SH3BP5: variants seen among roughly 807,000 people sequenced by gnomAD.
The protein encoded by SH3BP5 is SH3 domain-binding protein 5.
In SH3BP5, 22 loss-of-function variants were observed where a neutral mutation model predicts 43.3. The observed-to-expected ratio is 0.51, with a 90% CI of 0.36 to 0.73. The LOEUF (loss-of-function observed/expected upper bound fraction) is 0.73. Among genes scored for constraint, SH3BP5 ranks in the 30% least tolerant of loss-of-function variants. The probability of loss-of-function intolerance (pLI) is 0.00; values close to 1 mark genes in which losing one functional copy is unlikely to be tolerated. For synonymous variants in SH3BP5, 255 were observed against 225.8 expected (o/e 1.13, Z -1.16); for missense variants, 529 against 586.9 (o/e 0.90, Z 1.02).
intron 3 of SH3BP5, among the ~76,000 whole-genome samples, chr3:15,281,735 G>T (rs998860275): frequency 6.6e-6 from 1 of 152,212 alleles, no homozygotes; most frequent in African/African-American, 2.4e-5. Flanking sequence ...AGGTGCAGTG[G>T]CTCACGCCTG....
chr3:15,332,805 C>A (rs573171934), upstream of SH3BP5, among the ~76,000 whole-genome samples: 3 of 152,316 alleles, frequency 2.0e-5, no homozygotes, highest in South Asian at 6.2e-4. Context: ...GTAACGCAAG[C>A]CTCCCGCTTT....
chr3:15,263,358 G>A (rs529659609), intron 4 of SH3BP5, among the ~76,000 whole-genome samples: 6 of 152,282 alleles, frequency 3.9e-5, no homozygotes, highest in South Asian at 2.1e-4. Context: ...ACTAGGCATC[G>A]TGCCAGGCAC....
rs553461720 is a variant in SH3BP5, at chr3:15,317,481, T to C, written c.201+13023A>G. The stretch of plus-strand genomic sequence containing the variant: ...TGTAACTTTAGAGACACAGGAGATA[T>C]GACCAGAAGGAACAACTAAAAACAT... On this transcript the variant is annotated intron_variant, in intron 2 of 8. Coordinates refer to ENST00000383791, the MANE Select transcript of SH3BP5 (RefSeq NM_004844.5). Among the ~76,000 whole-genome samples the C allele has an allele frequency of 8.1e-4, 124 of 152,290 alleles. 2 individuals carry two copies. The highest frequency in any genetic ancestry group is 1.2e-3 in the Non-Finnish European group (84 of 68,036).
At chr3:15,260,485 ATCACTGCTTTATTCTTGAGCTGT>A (rs1696394974) in intron 5 of SH3BP5, 1 of 153,918 alleles carries the variant, frequency 6.5e-6, no homozygotes. Context: ...TTAAGAGTAG[ATCACTGCTTTATTCTTGAGCTGT>A]TCACCCTCCA....
chr3:15,295,744 C>T (rs377218935), intron 3 of SH3BP5, among the ~76,000 whole-genome samples: 93 of 152,194 alleles, frequency 6.1e-4, no homozygotes, highest in African/African-American at 1.7e-3. Context: ...CTGTGCATGA[C>T]GAAGCTATGG....
intron 3 of SH3BP5, among the ~76,000 whole-genome samples, chr3:15,273,905 G>T (rs908816216): frequency 2.6e-5 from 4 of 152,068 alleles, no homozygotes; most frequent in African/African-American, 9.7e-5. Flanking sequence ...TTAGGAAGTG[G>T]GGCCTTTGGG....
intron 2 of SH3BP5, among the ~76,000 whole-genome samples, chr3:15,319,621 A>T (rs1293682100): frequency 6.6e-6 from 1 of 152,206 alleles, no homozygotes; most frequent in Non-Finnish European, 1.5e-5. Flanking sequence ...AAAGCCAGGA[A>T]GCTTCCACCT....
Position 15,297,149 on chromosome 3 carries a change from C to T in SH3BP5, c.330+6954G>A, listed in dbSNP as rs6442509. On this transcript the variant is annotated intron_variant, in intron 3 of 8. Transcript: ENST00000383791. ...TTCATTCAAAACACGATTCTCCATCCATTCAAGGCCCATGCCACACTATCC... is the reference window on the plus strand; with the variant it reads ...TTCATTCAAAACACGATTCTCCATCTATTCAAGGCCCATGCCACACTATCC... 6.9e-3 allele frequency among the ~76,000 whole-genome samples: 1,054 copies of T among 152,298 alleles called. 19 individuals carry two copies. Among genetic ancestry groups the T allele is most frequent in the African/African-American group, 0.024 (1,008 of 41,538 alleles).
At chr3:15,340,190 A>G (rs973911627) in intron 1 of SH3BP5, among the ~76,000 whole-genome samples, 3 of 151,964 alleles carry the variant, frequency 2.0e-5, no homozygotes, top group Admixed American at 6.5e-5. Context: ...GGCCACTTAA[A>G]TAAATCCACT....
At chr3:15,293,686 T>C (rs192355041) in intron 3 of SH3BP5, among the ~76,000 whole-genome samples, 3 of 152,296 alleles carry the variant, frequency 2.0e-5, no homozygotes, top group South Asian at 2.1e-4. Flanking sequence ...CAGAACCAGG[T>C]AGACTTGGTT....
In SH3BP5 at chr3:15,285,433, C is replaced by A. The variant is rs1367420778; in HGVS notation, c.331-15556G>T. ...CCCTTCCAAGCTGGGCGATACATAA[C>A]CCAGATCCCAATGGGGCTTCAGGAA... On this transcript the variant is annotated intron_variant, in intron 3 of 8. Transcript: ENST00000383791. Among the ~76,000 whole-genome samples the A allele has an allele frequency of 3.3e-5, 5 of 152,352 alleles. No homozygotes were observed. The East Asian group carries it at 7.7e-4, about 23-fold the overall frequency.
At chr3:15,291,973 T>C (rs1296688330) in intron 3 of SH3BP5, among the ~76,000 whole-genome samples, 1 of 152,038 alleles carries the variant, frequency 6.6e-6, no homozygotes, top group African/African-American at 2.4e-5. Flanking sequence ...GAACAGAAGG[T>C]GCACCAAGAG....
chr3:15,303,773 G>A (rs575322331), intron 3 of SH3BP5, among the ~76,000 whole-genome samples: 4 of 152,198 alleles, frequency 2.6e-5, no homozygotes, highest in South Asian at 2.1e-4. Flanking sequence ...TGAGGCGAAC[G>A]CGAGGCAGTA....
chr3:15,273,030 C>G (rs757982957), intron 3 of SH3BP5: 56 of 655,454 alleles, frequency 8.5e-5, no homozygotes, highest in Non-Finnish European at 1.0e-4. Context: ...CCTCCGCAGG[C>G]CAAGCTGCTG....
At chr3:15,270,911 G>C (rs1696777776) in intron 3 of SH3BP5, among the ~76,000 whole-genome samples, 1 of 129,662 alleles carries the variant, frequency 7.7e-6, no homozygotes, top group South Asian at 2.6e-4. Flanking sequence ...GGGTGACAGA[G>C]TGAGACTCCA....
chr3:15,335,232 G>C (rs1434857751), upstream of SH3BP5, among the ~76,000 whole-genome samples: 1 of 152,056 alleles, frequency 6.6e-6, no homozygotes, highest in African/African-American at 2.4e-5. Context: ...ACAAAAATTA[G>C]CTGGGCATGG....
chr3:15,304,552 C>T (rs753965229), intron 2 of SH3BP5, among the ~76,000 whole-genome samples: 2 of 152,192 alleles, frequency 1.3e-5, no homozygotes, highest in Non-Finnish European at 2.9e-5. Flanking sequence ...TGGTAGCTCA[C>T]GCCTGTAATC....
rs1266731585 is a variant in SH3BP5, at chr3:15,256,135, T to C, written c.1319A>G (p.Lys440Arg). The C allele has an allele frequency of 3.7e-6, 6 of 1,614,234 alleles. No individual in the cohort carries two copies. Among genetic ancestry groups the C allele is most frequent in the Non-Finnish European group, 5.1e-6 (6 of 1,180,028 alleles). ...GTCAGCAATAATTCCATCTCTTCCC[T>C]TTGAGCACTGTAGGGAGAGCTGCTT... ...RMKQLSLQCS[K>R]GRDGIIADIK... Residue 440 changes from lysine to arginine, a missense_variant, in exon 9 of 9, where the codon AAG (lysine) becomes AGG (arginine). Lys to Arg is a conservative substitution (Grantham distance 26, BLOSUM62 2). This residue lies in a region of SH3BP5 where 369 missense variants were observed against 384.3 expected (regional missense o/e 0.96). Coordinates refer to ENST00000383791, the MANE Select transcript of SH3BP5 (RefSeq NM_004844.5).
intron 1 of SH3BP5, among the ~76,000 whole-genome samples, chr3:15,338,353 C>T (rs1698726611): frequency 6.6e-6 from 1 of 152,138 alleles, no homozygotes; most frequent in African/African-American, 2.4e-5. Flanking sequence ...TAAATAAATA[C>T]ATTAAATTAA....
Sources: gnomAD v4.1 joint callset for allele counts (sites outside exome capture counted in the v4.1 genomes callset) on GRCh38, gnomAD v4.1.1 for gene constraint, gnomAD v4.1.1 regional missense constraint, MANE v1.5 for transcripts, NCBI Gene and HGNC (gene_info 2026-07-23, HGNC 2026-07-21) for gene names.